Variants in FTCDNL1 observed in about 807,000 individuals in gnomAD.
The protein encoded by FTCDNL1 is formiminotransferase N-terminal subdomain-containing protein.
FTCDNL1 carries 11 observed loss-of-function variants against 5.9 expected under a neutral mutation model. The ratio of observed to expected loss-of-function variants is 1.87; its 90% CI spans 1.18 to 3.10. FTCDNL1 has a LOEUF of 3.10. FTCDNL1 is among the 30% of genes most tolerant of loss of function. FTCDNL1 has a pLI of 0.00. For missense variants in FTCDNL1, 115 were observed against 65.5 expected (o/e 1.76, Z -2.61); for synonymous variants, 58 against 24.8 (o/e 2.34, Z -3.99).
the FTCDNL1 span, among the ~76,000 whole-genome samples, chr2:199,700,300 A>G: frequency 6.6e-6 from 1 of 152,178 alleles, no homozygotes; most frequent in Non-Finnish European, 1.5e-5. Flanking sequence ...CCCATTTACA[A>G]TGCTACAAAA....
the FTCDNL1 span, among the ~76,000 whole-genome samples, chr2:199,724,714 G>T: frequency 6.6e-6 from 1 of 151,926 alleles, no homozygotes; most frequent in South Asian, 2.1e-4. Context: ...TTTAAATCTT[G>T]AGTTCTAATT....
At chr2:199,788,819 T>C (rs1699784799) in intron 3 of FTCDNL1, among the ~76,000 whole-genome samples, 1 of 151,666 alleles carries the variant, frequency 6.6e-6, no homozygotes, top group Non-Finnish European at 1.5e-5. Flanking sequence ...AAAGGAGAGA[T>C]CCTAAAAATA....
chr2:199,770,604 TGTTA>T (rs1698761632), intron 3 of FTCDNL1, among the ~76,000 whole-genome samples: 2 of 152,234 alleles, frequency 1.3e-5, no homozygotes, highest in African/African-American at 4.8e-5. Flanking sequence ...CCCCCAGGGC[TGTTA>T]GTTATTCATG....
At chr2:199,774,186 C>T (rs1698949790) in intron 3 of FTCDNL1, among the ~76,000 whole-genome samples, 1 of 152,190 alleles carries the variant, frequency 6.6e-6, no homozygotes, top group African/African-American at 2.4e-5. Flanking sequence ...CAAGAGCCAT[C>T]CTAGCCGTGT....
At chr2:199,682,712 T>C in the FTCDNL1 span, among the ~76,000 whole-genome samples, 4 of 152,206 alleles carry the variant, frequency 2.6e-5, no homozygotes, top group African/African-American at 9.6e-5. Flanking sequence ...AGGTATTGTT[T>C]AATTGAGTGA....
intron 3 of FTCDNL1, among the ~76,000 whole-genome samples, chr2:199,835,166 G>A (rs1209953362): frequency 6.6e-6 from 1 of 152,120 alleles, no homozygotes; most frequent in Non-Finnish European, 1.5e-5. Context: ...CAACAGGCAA[G>A]TTCCTGTCTC....
the FTCDNL1 span, among the ~76,000 whole-genome samples, chr2:199,744,971 CCT>C: frequency 2.7e-4 from 41 of 152,360 alleles, no homozygotes; most frequent in Non-Finnish European, 4.4e-4. Context: ...TTTGTGCACG[CCT>C]CTCAGCTGGC....
intron 4 of FTCDNL1, 132 bp from the exon 5 acceptor site, chr2:199,812,856 G>A (rs1187695117): frequency 1.7e-6 from 1 of 586,078 alleles, no homozygotes; most frequent in Non-Finnish European, 3.0e-6. Context: ...AAGAAACTGA[G>A]ATTCAGTCGC....
the FTCDNL1 span, among the ~76,000 whole-genome samples, chr2:199,669,497 G>A: frequency 6.6e-6 from 1 of 152,054 alleles, no homozygotes; most frequent in African/African-American, 2.4e-5. Flanking sequence ...GCCTCAATAA[G>A]TCCTTGCTAA....
chr2:199,723,845 CT>C, the FTCDNL1 span, among the ~76,000 whole-genome samples: 3 of 151,848 alleles, frequency 2.0e-5, no homozygotes, highest in East Asian at 1.9e-4. Context: ...GTGAAGTTTT[CT>C]TTTTTTTGTT....
the FTCDNL1 span, among the ~76,000 whole-genome samples, chr2:199,725,674 G>C: frequency 6.6e-6 from 1 of 152,252 alleles, no homozygotes; most frequent in African/African-American, 2.4e-5. Context: ...GAAATTCTGG[G>C]TTGGAAATTC....
intron 3 of FTCDNL1, among the ~76,000 whole-genome samples, chr2:199,839,263 T>C (rs574807707): frequency 7.2e-5 from 11 of 152,192 alleles, no homozygotes; most frequent in Non-Finnish European, 1.5e-4. Context: ...GATACGTTCA[T>C]GAAATAAAAC....
At chr2:199,793,911 GT>G (rs1207381767) in intron 3 of FTCDNL1, among the ~76,000 whole-genome samples, 1 of 152,136 alleles carries the variant, frequency 6.6e-6, no homozygotes, top group Non-Finnish European at 1.5e-5. Flanking sequence ...TCTCCGCAAG[GT>G]TAGTTCAAAG....
At chr2:199,846,265 G>A (rs2076730510) in intron 2 of FTCDNL1, 95 bp from the exon 3 acceptor site, 2 of 580,516 alleles carry the variant, frequency 3.4e-6, no homozygotes, top group South Asian at 2.2e-5. Flanking sequence ...TTAGCTTAGT[G>A]GAAAAATTCT....
chr2:199,785,872 C>T (rs1426819016), intron 3 of FTCDNL1, among the ~76,000 whole-genome samples: 1 of 152,054 alleles, frequency 6.6e-6, no homozygotes, highest in African/African-American at 2.4e-5. Context: ...GCACCAGAGA[C>T]CAGTTTCGTG....
Position 199,848,850 on chromosome 2 carries a change from T to C in FTCDNL1, c.113A>G (p.Asn38Ser), listed in dbSNP as rs1006065010. ...NIAKAALLDK[N>S]GKKHPQVSVL... The stretch of plus-strand genomic sequence containing the variant: ...CTTCAATTGTCTGTTTTTCCTACCA[T>C]TTTTGTCAAGAAGAGCTGCTTTTGC... The change falls in exon 2 of 5, where the codon AAT becomes AGT. Residue 38 changes from asparagine to serine, a missense_variant and splice_region_variant. Coordinates refer to ENST00000420128, the MANE Select transcript of FTCDNL1 (RefSeq NM_001363886.2). 4.3e-6 allele frequency: 3 copies of C among 699,838 alleles called. No individual in the cohort carries two copies. The highest frequency in any genetic ancestry group is 5.2e-6 in the Non-Finnish European group (2 of 384,262). The allele number at this position is 699,838 out of a possible 1,614,324, so 43.4% of individuals were successfully genotyped here.
the FTCDNL1 span, among the ~76,000 whole-genome samples, chr2:199,685,967 A>G: frequency 6.6e-6 from 1 of 152,248 alleles, no homozygotes; most frequent in African/African-American, 2.4e-5. Context: ...GAACATGAAT[A>G]GTTACAGAAC....
chr2:199,742,114 TA>T, the FTCDNL1 span, among the ~76,000 whole-genome samples: 6 of 140,746 alleles, frequency 4.3e-5, no homozygotes, highest in East Asian at 2.2e-4. Flanking sequence ...TTTTTTTTTT[TA>T]AATACACTGG....
chr2:199,802,025 G>A (rs1409211420), intron 3 of FTCDNL1, among the ~76,000 whole-genome samples: 1 of 152,074 alleles, frequency 6.6e-6, no homozygotes, highest in Non-Finnish European at 1.5e-5. Flanking sequence ...AGGACCCTGT[G>A]CTATTGCACA....
Sources: allele counts gnomAD v4.1 joint callset (sites outside exome capture counted in the v4.1 genomes callset), GRCh38; gene constraint gnomAD v4.1.1; transcripts MANE v1.5; gene names NCBI Gene and HGNC (gene_info 2026-07-23, HGNC 2026-07-21).